Variants in TSPAN9 observed in about 807,000 individuals in gnomAD.
TSPAN9 encodes tetraspanin 9.
Under a neutral mutation model 31.0 loss-of-function variants are expected in TSPAN9, and 16 were observed. That is an observed-to-expected ratio of 0.52 (90% CI 0.35 to 0.78). The LOEUF is 0.78. TSPAN9 is among the 30% of genes least tolerant of loss of function. TSPAN9 has a pLI of 0.01. For missense variants in TSPAN9, 272 were observed against 312.5 expected, an observed-to-expected ratio of 0.87 and a Z score of 0.98; for synonymous variants, 145 against 121.6, an observed-to-expected ratio of 1.19 and a Z score of -1.27.
intron 2 of TSPAN9, among the ~76,000 whole-genome samples, chr12:3,148,747 C>T (rs990541298): frequency 2.0e-5 from 3 of 152,248 alleles, no homozygotes; most frequent in Non-Finnish European, 2.9e-5. Context: ...TGAGTCTCTG[C>T]ATCCTCTCCA....
chr12:3,184,325 G>T (rs881956), intron 2 of TSPAN9, among the ~76,000 whole-genome samples: 5,232 of 152,122 alleles, frequency 0.034, 188 homozygotes, highest in Admixed American at 0.11. Context: ...TTGAACGCAG[G>T]AAGTGGAGGC....
chr12:3,079,131 C>T (rs780221764), intron 1 of TSPAN9, among the ~76,000 whole-genome samples: 13 of 152,158 alleles, frequency 8.5e-5, no homozygotes, highest in Admixed American at 4.6e-4. Context: ...AGGCGCGTGC[C>T]GCCACGCCTT....
intron 2 of TSPAN9, among the ~76,000 whole-genome samples, chr12:3,180,299 T>C (rs1170114612): frequency 6.6e-6 from 1 of 152,142 alleles, no homozygotes; most frequent in Admixed American, 6.5e-5. Flanking sequence ...GGAAGGTTGC[T>C]TGAGTAACAT....
intron 2 of TSPAN9, among the ~76,000 whole-genome samples, chr12:3,155,233 G>T (rs2098341647): frequency 6.6e-6 from 1 of 152,164 alleles, no homozygotes; most frequent in Non-Finnish European, 1.5e-5. Flanking sequence ...GCACTTTGGG[G>T]AATATAAAGA....
chr12:3,179,477 T>C (rs1306555040), intron 2 of TSPAN9, among the ~76,000 whole-genome samples: 1 of 152,184 alleles, frequency 6.6e-6, no homozygotes, highest in Non-Finnish European at 1.5e-5. Flanking sequence ...AGCCTTCAGA[T>C]GCGTGAGGGC....
At chr12:3,132,160 G>T (rs1205439003) in intron 2 of TSPAN9, among the ~76,000 whole-genome samples, 2 of 152,132 alleles carry the variant, frequency 1.3e-5, no homozygotes, top group Admixed American at 6.5e-5. Context: ...TTGTTTTTCT[G>T]TTCTTCTGTT....
intron 3 of TSPAN9, among the ~76,000 whole-genome samples, chr12:3,251,197 TTGG>T (rs1328932211): frequency 6.6e-6 from 1 of 152,192 alleles, no homozygotes; most frequent in East Asian, 1.9e-4. Flanking sequence ...CTGGGGAGAC[TTGG>T]TGGCATGTAG....
chr12:3,267,662 A>G (rs1303217315), intron 3 of TSPAN9, among the ~76,000 whole-genome samples: 1 of 152,220 alleles, frequency 6.6e-6, no homozygotes, highest in Non-Finnish European at 1.5e-5. Flanking sequence ...TGCAGGAAGG[A>G]AAAAATATGC....
chr12:3,201,526 C>T (rs2098371821), intron 3 of TSPAN9, among the ~76,000 whole-genome samples: 1 of 152,188 alleles, frequency 6.6e-6, no homozygotes, highest in African/African-American at 2.4e-5. Context: ...TTTGGCACCA[C>T]CTCCTTCCCC....
intron 2 of TSPAN9, among the ~76,000 whole-genome samples, chr12:3,110,608 C>A (rs1334109801): frequency 2.0e-5 from 3 of 152,102 alleles, no homozygotes; most frequent in Non-Finnish European, 4.4e-5. Context: ...GTTGCAGGAT[C>A]CTTTGTGCCT....
chr12:3,176,377 T>C (rs2098355579), intron 2 of TSPAN9, among the ~76,000 whole-genome samples: 1 of 152,166 alleles, frequency 6.6e-6, no homozygotes, highest in South Asian at 2.1e-4. Context: ...GGGAACAGAA[T>C]GTGCGAAGGC....
At chr12:3,259,004 T>C (rs1862401505) in intron 3 of TSPAN9, among the ~76,000 whole-genome samples, 1 of 152,078 alleles carries the variant, frequency 6.6e-6, no homozygotes, top group Admixed American at 6.6e-5. Flanking sequence ...TAATTAGAAA[T>C]AGAGTGTGGG....
chr12:3,248,237 A>T (rs1277357564), intron 3 of TSPAN9, among the ~76,000 whole-genome samples: 18 of 152,026 alleles, frequency 1.2e-4, no homozygotes, highest in Admixed American at 1.2e-3. Flanking sequence ...CCCTAGGCAC[A>T]CTCTCTACTT....
At chr12:3,264,150 G>A (rs950383481) in intron 3 of TSPAN9, among the ~76,000 whole-genome samples, 3 of 152,080 alleles carry the variant, frequency 2.0e-5, no homozygotes, top group African/African-American at 7.2e-5. Flanking sequence ...GTGACACTTG[G>A]CTCACCCGCC....
At chr12:3,194,048 A>G (rs2098365870) in intron 2 of TSPAN9, among the ~76,000 whole-genome samples, 2 of 152,284 alleles carry the variant, frequency 1.3e-5, no homozygotes, top group African/African-American at 4.8e-5. Context: ...TCCTTTAGTT[A>G]ATGAACTCAA....
At chr12:3,094,848 T>A (rs1329392294) in intron 2 of TSPAN9, among the ~76,000 whole-genome samples, 1 of 55,412 alleles carries the variant, frequency 1.8e-5, no homozygotes, top group Non-Finnish European at 3.8e-5. Flanking sequence ...ATCAATAATC[T>A]TTTTTTTTTT....
intron 3 of TSPAN9, among the ~76,000 whole-genome samples, chr12:3,246,841 G>T (rs1203291191): frequency 1.3e-5 from 2 of 152,228 alleles, no homozygotes; most frequent in Non-Finnish European, 2.9e-5. Context: ...GACCAGGGGG[G>T]AAGACATCTC....
chr12:3,231,470 G>A (rs891863338), intron 3 of TSPAN9, among the ~76,000 whole-genome samples: 4 of 152,204 alleles, frequency 2.6e-5, no homozygotes, highest in Admixed American at 6.5e-5. Flanking sequence ...TCAGCCCCGC[G>A]TCACTACGGA....
chr12:3,243,428 C>T (rs748376100), intron 3 of TSPAN9, among the ~76,000 whole-genome samples: 1 of 152,168 alleles, frequency 6.6e-6, no homozygotes, highest in African/African-American at 2.4e-5. Flanking sequence ...GTAATTTGCT[C>T]TGGTTTCACG....
Sources: gnomAD v4.1 joint callset for allele counts (sites outside exome capture counted in the v4.1 genomes callset) on GRCh38, gnomAD v4.1.1 for gene constraint, MANE v1.5 for transcripts, NCBI Gene and HGNC (gene_info 2026-07-23, HGNC 2026-07-21) for gene names.